Variants in GALNTL6 observed in about 807,000 individuals in gnomAD.
The protein encoded by GALNTL6 is polypeptide N-acetylgalactosaminyltransferase like 6, also known as polypeptide N-acetylgalactosaminyltransferase-like 6.
A neutral mutation model predicts 73.7 loss-of-function variants in GALNTL6; 46 were observed. The observed-to-expected ratio is 0.62, with a 90% CI of 0.49 to 0.80. GALNTL6 has a LOEUF of 0.80. Ranked by LOEUF, GALNTL6 falls within the 30% of genes least tolerant of loss-of-function variation. The pLI is 0.00. For missense variants in GALNTL6, 604 were observed against 755.0 expected (o/e 0.80, Z 2.34); for synonymous variants, 259 against 263.7 (o/e 0.98, Z 0.17).
In GALNTL6 at chr4:172,214,800, A is replaced by T. The variant is rs569345494; in HGVS notation, c.139-14856A>T. Reference sequence around the variant, plus strand: ...AGTGCTGGAATAACAGATGTGAGGCACCGTGCCCGGCCTTTTGATTTCTTT... The same window carrying T: ...AGTGCTGGAATAACAGATGTGAGGCTCCGTGCCCGGCCTTTTGATTTCTTT... On this transcript the variant is annotated intron_variant, in intron 2 of 12. Coordinates refer to ENST00000506823, the MANE Select transcript of GALNTL6 (RefSeq NM_001034845.3). Among the ~76,000 whole-genome samples, 19 of 152,186 alleles carry T rather than the reference A, an allele frequency of 1.2e-4. No individual in the cohort carries two copies. The South Asian group carries it at 1.4e-3, about 12-fold the overall frequency.
chr4:172,583,308 C>T (rs1737267978), intron 5 of GALNTL6, among the ~76,000 whole-genome samples: 1 of 152,098 alleles, frequency 6.6e-6, no homozygotes, highest in South Asian at 2.1e-4. Context: ...AATAAACATG[C>T]TGATTCTTAG....
chr4:172,692,309 A>C (rs192563022), intron 5 of GALNTL6, among the ~76,000 whole-genome samples: 1 of 152,172 alleles, frequency 6.6e-6, no homozygotes, highest in Non-Finnish European at 1.5e-5. Flanking sequence ...TCTGCAATTA[A>C]ATATATATTA....
At chr4:172,138,673 G>T (rs946660403) in intron 2 of GALNTL6, among the ~76,000 whole-genome samples, 2 of 148,766 alleles carry the variant, frequency 1.3e-5, no homozygotes, top group African/African-American at 4.9e-5. Flanking sequence ...GCGACTACAG[G>T]TGCCTGCCAC....
In GALNTL6 at chr4:172,177,759, GTA is replaced by G. The variant is rs1195293178; in HGVS notation, c.139-51889_139-51888del. Among the ~76,000 whole-genome samples, 138 of 75,884 alleles carry G rather than the reference GTA, an allele frequency of 1.8e-3. 1 individual carries two copies. Among genetic ancestry groups the G allele is most frequent in the Middle Eastern group, 8.3e-3 (1 of 120 alleles). 49.8% of individuals were successfully genotyped at this position (75,884 alleles called of 152,430 possible). A position where few individuals can be genotyped will look rare whatever the true frequency, so the allele number is the denominator to read the frequency against. On this transcript the variant is annotated intron_variant, in intron 2 of 12. Coordinates refer to ENST00000506823, the MANE Select transcript of GALNTL6 (RefSeq NM_001034845.3). ...TATACACATGTGTATATATATGTGT[GTA>G]TATATATGTACACATATATACACAT... is the stretch of plus-strand genomic sequence containing the variant.
rs373638776 is a variant in GALNTL6, at chr4:172,624,959, G to A, written c.554-184402G>A. On this transcript the variant is annotated intron_variant, in intron 5 of 12. Coordinates refer to ENST00000506823, the MANE Select transcript of GALNTL6 (RefSeq NM_001034845.3). ...AGTAGTAAGTTTTTCAACCCTTTACGCCATCCTCTGTCCTCCAGTATTTCT... is the reference window on the plus strand; with the variant it reads ...AGTAGTAAGTTTTTCAACCCTTTACACCATCCTCTGTCCTCCAGTATTTCT... Among the ~76,000 whole-genome samples the A allele has an allele frequency of 8.6e-5, 13 of 151,768 alleles. No homozygotes were observed. The East Asian group carries it at 9.7e-4, about 11-fold the overall frequency.
rs148477171 is a variant in GALNTL6, at chr4:172,597,741, C to T, written c.554-211620C>T. Among the ~76,000 whole-genome samples the T allele has an allele frequency of 7.2e-4, 110 of 152,238 alleles. 1 individual carries two copies. In the East Asian group the frequency reaches 0.017, roughly 24 times the overall value. On this transcript the variant is annotated intron_variant, in intron 5 of 12. Transcript: ENST00000506823. ...TAGCATTTAGAGAGGACTTTGAAGA[C>T]TCCCAGCATATATTCAGAAAATACT... is the stretch of plus-strand genomic sequence containing the variant.
chr4:172,107,291 T>C lies in GALNTL6; in HGVS notation c.139-122365T>C, dbSNP rs533268821. Among the ~76,000 whole-genome samples the C allele has an allele frequency of 3.3e-3, 510 of 152,340 alleles. 1 individual carries two copies. Among genetic ancestry groups the C allele is most frequent in the African/African-American group, 0.012 (480 of 41,572 alleles). On this transcript the variant is annotated intron_variant, in intron 2 of 12. Transcript: ENST00000506823. ...AGGTGGAGATATCACAAAACCTGTATGTAGTAGAAATATTTTCAAACAAAA... is the reference window on the plus strand; with the variant it reads ...AGGTGGAGATATCACAAAACCTGTACGTAGTAGAAATATTTTCAAACAAAA...
chr4:172,686,681 TCC>T (rs1732937234), intron 5 of GALNTL6, among the ~76,000 whole-genome samples: 1 of 152,194 alleles, frequency 6.6e-6, no homozygotes, highest in South Asian at 2.1e-4. Flanking sequence ...TTATACCTAT[TCC>T]TAAATACAGG....
intron 2 of GALNTL6, among the ~76,000 whole-genome samples, chr4:172,163,788 A>G (rs1314789925): frequency 6.6e-6 from 1 of 152,002 alleles, no homozygotes; most frequent in Non-Finnish European, 1.5e-5. Context: ...TTATTTTAAA[A>G]AATTCCAAAG....
intron 5 of GALNTL6, among the ~76,000 whole-genome samples, chr4:172,653,714 C>T (rs1327535534): frequency 6.6e-6 from 1 of 152,182 alleles, no homozygotes; most frequent in Non-Finnish European, 1.5e-5. Flanking sequence ...TTTCAGAGAT[C>T]CTGAATAAAA....
At chr4:172,142,149 T>C (rs1201925825) in intron 2 of GALNTL6, among the ~76,000 whole-genome samples, 2 of 152,030 alleles carry the variant, frequency 1.3e-5, no homozygotes, top group African/African-American at 2.4e-5. Flanking sequence ...TATTGTAATA[T>C]GAAATAATTT....
intron 2 of GALNTL6, among the ~76,000 whole-genome samples, chr4:172,123,686 G>C (rs945283377): frequency 3.3e-5 from 5 of 151,756 alleles, no homozygotes; most frequent in Non-Finnish European, 7.4e-5. Flanking sequence ...ATTTTTAGTA[G>C]AGATGGGTTT....
chr4:171,891,241 G>A (rs1485135762), intron 2 of GALNTL6, among the ~76,000 whole-genome samples: 1 of 152,158 alleles, frequency 6.6e-6, no homozygotes. Flanking sequence ...AAGACCAAAA[G>A]TCTAAAACAT....
intron 5 of GALNTL6, among the ~76,000 whole-genome samples, chr4:172,468,741 T>A (rs183030241): frequency 9.4e-4 from 143 of 152,310 alleles, no homozygotes; most frequent in African/African-American, 3.2e-3. Flanking sequence ...TCGAAGCAAG[T>A]ATTTTCAGGG....
intron 2 of GALNTL6, among the ~76,000 whole-genome samples, chr4:172,192,501 A>G (rs546278715): frequency 6.6e-6 from 1 of 152,114 alleles, no homozygotes; most frequent in East Asian, 1.9e-4. Flanking sequence ...ATGGGGACTG[A>G]CTAGGCAGTC....
intron 5 of GALNTL6, among the ~76,000 whole-genome samples, chr4:172,535,839 C>T (rs1177357330): frequency 6.6e-6 from 1 of 152,116 alleles, no homozygotes; most frequent in African/African-American, 2.4e-5. Flanking sequence ...TTGGGCCCTA[C>T]AAGTGTAATA....
intron 7 of GALNTL6, among the ~76,000 whole-genome samples, chr4:172,855,303 T>C (rs1229145073): frequency 6.6e-6 from 1 of 152,134 alleles, no homozygotes; most frequent in African/African-American, 2.4e-5. Context: ...TGGTAGAAAT[T>C]TACAGTTTTT....
chr4:172,474,079 A>C (rs1213581207), intron 5 of GALNTL6, among the ~76,000 whole-genome samples: 3 of 152,100 alleles, frequency 2.0e-5, no homozygotes, highest in Non-Finnish European at 4.4e-5. Context: ...TCCTGCACAC[A>C]AGCCTACTCG....
intron 2 of GALNTL6, among the ~76,000 whole-genome samples, chr4:171,965,727 G>A (rs935234899): frequency 2.0e-5 from 3 of 150,572 alleles, no homozygotes; most frequent in Non-Finnish European, 4.4e-5. Context: ...TAAAAAGCTA[G>A]CTGACTTAAC....
Sources: allele counts gnomAD v4.1 joint callset (sites outside exome capture counted in the v4.1 genomes callset), GRCh38; gene constraint gnomAD v4.1.1; transcripts MANE v1.5; gene names NCBI Gene and HGNC (gene_info 2026-07-23, HGNC 2026-07-21).